PTPN21: variants seen among roughly 807,000 people sequenced by gnomAD.
PTPN21 encodes the protein tyrosine-protein phosphatase non-receptor type 21.
In PTPN21, 77 loss-of-function variants were observed where a neutral mutation model predicts 131.8. The observed-to-expected ratio is 0.58, with a 90% CI of 0.49 to 0.71. The LOEUF is 0.71. Among genes scored for constraint, PTPN21 ranks in the 30% least tolerant of loss-of-function variants. The pLI is 0.00. For missense variants in PTPN21, 1,552 were observed against 1,527.1 expected, an observed-to-expected ratio of 1.02 and a Z score of -0.27; for synonymous variants, 715 against 621.3, an observed-to-expected ratio of 1.15 and a Z score of -2.24.
chr14:88,551,124 G>A (rs1362511609), intron 1 of PTPN21: 1 of 152,232 alleles, frequency 6.6e-6, no homozygotes, highest in African/African-American at 2.4e-5. Context: ...GCAGGTGTGT[G>A]ATTCAAACCC....
intron 13 of PTPN21, among the ~76,000 whole-genome samples, chr14:88,478,554 A>G (rs1020721255): frequency 6.6e-6 from 1 of 152,212 alleles, no homozygotes; most frequent in Non-Finnish European, 1.5e-5. Context: ...CACATCACCC[A>G]CAGTATTTTT....
At chr14:88,515,460 A>C (rs907016635) in intron 3 of PTPN21, 1 of 152,110 alleles carries the variant, frequency 6.6e-6, no homozygotes, top group African/African-American at 2.4e-5. Context: ...TGAAATGTAA[A>C]TTTAATGATT....
intron 2 of PTPN21, among the ~76,000 whole-genome samples, chr14:88,535,697 A>G (rs2078621007): frequency 6.6e-6 from 1 of 152,224 alleles, no homozygotes; most frequent in African/African-American, 2.4e-5. Flanking sequence ...CCTTGAAAAT[A>G]TCACTATTCA....
chr14:88,551,634 C>T (rs2078871530), intron 1 of PTPN21: 1 of 152,282 alleles, frequency 6.6e-6, no homozygotes, highest in African/African-American at 2.4e-5. Flanking sequence ...GGGCGGGCCC[C>T]ATAGGATGCC....
chr14:88,495,121 G>A (rs1152376), intron 10 of PTPN21, among the ~76,000 whole-genome samples: 83,966 of 151,038 alleles, frequency 0.56, 25,543 homozygotes, highest in Admixed American at 0.7. Flanking sequence ...TACAGGCAGC[G>A]AAGGCACAGA....
chr14:88,550,483 T>A lies in PTPN21; in HGVS notation c.-66A>T, dbSNP rs1310598831. ...GCTACCCCCACCAACCCAGCGCTGG[T>A]GACGCCAGGAGAAAGCGATCCTCTC... On this transcript the variant is annotated 5_prime_UTR_variant, in exon 2 of 19. Transcript: ENST00000556564. 6.8e-7 allele frequency: 1 copy of A among 1,472,954 alleles called. No individual in the cohort carries two copies. 91.2% of individuals were successfully genotyped at this position (1,472,954 alleles called of 1,614,324 possible). A position where few individuals can be genotyped will look rare whatever the true frequency, so the allele number is the denominator to read the frequency against.
Position 88,466,503 on chromosome 14 carries a change from A to C in PTPN21, c.*1634T>G, listed in dbSNP as rs1490679802. 6.6e-6 allele frequency: 1 copy of C among 152,190 alleles called. No individual in the cohort carries two copies. Among genetic ancestry groups the C allele is most frequent in the Admixed American group, 6.5e-5 (1 of 15,282 alleles). 9.4% of individuals were successfully genotyped at this position (152,190 alleles called of 1,614,324 possible). ...ACATGGGAATCAAAATGATGCCTAGAATAGTGTAATTTGGGAAACAGCCCT... is the reference window on the plus strand; with the variant it reads ...ACATGGGAATCAAAATGATGCCTAGCATAGTGTAATTTGGGAAACAGCCCT... On this transcript the variant is annotated 3_prime_UTR_variant, in exon 19 of 19. Coordinates refer to ENST00000556564, the MANE Select transcript of PTPN21 (RefSeq NM_007039.4).
intron 3 of PTPN21, chr14:88,513,855 T>C (rs1322711545): frequency 6.6e-6 from 1 of 152,242 alleles, no homozygotes; most frequent in Non-Finnish European, 1.5e-5. Flanking sequence ...TCTGTTGGCA[T>C]GAAGTGTTTT....
intron 3 of PTPN21, chr14:88,513,600 ACC>A (rs1483950920): frequency 1.3e-4 from 20 of 152,316 alleles, no homozygotes; most frequent in African/African-American, 4.6e-4. Flanking sequence ...AACTCCAGGC[ACC>A]AAAGTGTTTG....
rs1053869348 is a variant in PTPN21, at chr14:88,479,604, G to C, written c.1827C>G (p.Asp609Glu). The change falls in exon 13 of 19, where the codon GAC becomes GAG. Residue 609 changes from aspartate to glutamate, a missense_variant. By Grantham distance (45) the Asp-to-Glu change is conservative. Transcript: ENST00000556564. ...GCAGCGAGTGCGCCACGGGCAGGCTGTCCTCCTGGAACGTTTGCACCGAGT... is the reference window on the plus strand; with the variant it reads ...GCAGCGAGTGCGCCACGGGCAGGCTCTCCTCCTGGAACGTTTGCACCGAGT... Reference protein sequence around the residue: ...VHHSVQTFQEDSLPVAHSLQE... With the variant: ...VHHSVQTFQEESLPVAHSLQE... The C allele has an allele frequency of 1.9e-6, 3 of 1,585,872 alleles. No homozygotes were observed. Among genetic ancestry groups the C allele is most frequent in the Non-Finnish European group, 2.6e-6 (3 of 1,171,948 alleles).
In PTPN21 at chr14:88,489,610, A is replaced by G. The variant is rs550291114; in HGVS notation, c.933-3768T>C. ...GGTTACAGTGAGCTATGATCACACCACCACACTCCAGCCTGGAAGACAGAG... is the reference window on the plus strand; with the variant it reads ...GGTTACAGTGAGCTATGATCACACCGCCACACTCCAGCCTGGAAGACAGAG... On this transcript the variant is annotated intron_variant, in intron 10 of 18. Coordinates refer to ENST00000556564, the MANE Select transcript of PTPN21 (RefSeq NM_007039.4). Among the ~76,000 whole-genome samples, 9 of 152,248 alleles carry G rather than the reference A, an allele frequency of 5.9e-5. No individual in the cohort carries two copies. In the South Asian group the frequency reaches 1.9e-3, roughly 32 times the overall value.
chr14:88,513,617 C>T (rs1025164716), intron 3 of PTPN21: 2 of 152,220 alleles, frequency 1.3e-5, no homozygotes, highest in Admixed American at 6.5e-5. Flanking sequence ...TGTTTGCTCG[C>T]TCTGCCATGT....
intron 10 of PTPN21, among the ~76,000 whole-genome samples, chr14:88,490,012 C>CTTTTTT (rs757640728): frequency 2.1e-5 from 3 of 143,070 alleles, no homozygotes; most frequent in Admixed American, 1.4e-4. Context: ...GTGTGGTTTT[C>CTTTTTT]TTTTTTTTTT....
At chr14:88,492,971 T>C (rs1362324331) in intron 10 of PTPN21, 2 of 406,910 alleles carry the variant, frequency 4.9e-6, no homozygotes, top group Non-Finnish European at 9.8e-6. Flanking sequence ...GATCTGTCAG[T>C]TGATATCTGT....
rs757666545 is a variant in PTPN21, at chr14:88,479,594, C to T, written c.1837G>A (p.Val613Met). 8 of 1,588,484 alleles carry T rather than the reference C, an allele frequency of 5.0e-6. No individual in the cohort carries two copies. Among genetic ancestry groups the T allele is most frequent in the South Asian group, 4.5e-5 (4 of 89,734 alleles). Reference protein sequence around the residue: ...VQTFQEDSLPVAHSLQEVSEP... With the variant: ...VQTFQEDSLPMAHSLQEVSEP... The stretch of plus-strand genomic sequence containing the variant: ...CTGACCTCCTGCAGCGAGTGCGCCA[C>T]GGGCAGGCTGTCCTCCTGGAACGTT... The change falls in exon 13 of 19, where the codon GTG (valine) becomes ATG (methionine). Residue 613 changes from valine to methionine, a missense_variant. Val to Met is a conservative substitution (Grantham distance 21, BLOSUM62 1). Around this residue, in one of 4 missense-constraint regions of PTPN21, gnomAD observed 1,016 missense variants for 883.5 expected, o/e 1.15. Transcript: ENST00000556564.
chr14:88,526,923 T>G (rs1435952666), intron 2 of PTPN21, among the ~76,000 whole-genome samples: 2 of 152,210 alleles, frequency 1.3e-5, no homozygotes, highest in Admixed American at 1.3e-4. Context: ...TTTCCATTCC[T>G]GAGTTATTCA....
At chr14:88,492,321 T>A (rs2077837168) in intron 10 of PTPN21, among the ~76,000 whole-genome samples, 1 of 152,220 alleles carries the variant, frequency 6.6e-6, no homozygotes, top group South Asian at 2.1e-4. Flanking sequence ...TATGGCTGGA[T>A]AACCAGGCCA....
In PTPN21 at chr14:88,517,259, G is replaced by A. The variant is rs1135152; in HGVS notation, c.183C>T (p.Val61=). 1 of 1,613,572 alleles carries A rather than the reference G, an allele frequency of 6.2e-7. No homozygotes were observed. The highest frequency in any genetic ancestry group is 8.5e-7 in the Non-Finnish European group (1 of 1,179,696). Residue 61 remains valine, a splice_region_variant and synonymous_variant, in exon 3 of 19, where the codon GTC becomes GTT. Transcript: ENST00000556564. ...TGTAGTACCAGAGGCTGAAGTAAGT[G>A]ACCTGGAAAGACAGAAGGTCATTGA... is the stretch of plus-strand genomic sequence containing the variant. The part of the protein sequence containing the change: ...AVAQRLELRE[V]TYFSLWYYNK...
intron 4 of PTPN21, among the ~76,000 whole-genome samples, chr14:88,506,646 T>C (rs2078094175): frequency 6.6e-6 from 1 of 151,886 alleles, no homozygotes; most frequent in African/African-American, 2.4e-5. Context: ...ACCAAACAAG[T>C]GGGAGTGGGG....
Sources: gnomAD v4.1 joint callset for allele counts (sites outside exome capture counted in the v4.1 genomes callset) on GRCh38, gnomAD v4.1.1 for gene constraint, gnomAD v4.1.1 regional missense constraint, MANE v1.5 for transcripts, NCBI Gene and HGNC (gene_info 2026-07-23, HGNC 2026-07-21) for gene names.